The following HACD2 variants were observed in gnomAD, a reference collection of about 807,000 sequenced individuals.
The protein encoded by HACD2 is very-long-chain (3R)-3-hydroxyacyl-CoA dehydratase 2.
A neutral mutation model predicts 31.0 loss-of-function variants in HACD2; 15 were observed. The ratio of observed to expected loss-of-function variants is 0.48; its 90% confidence interval spans 0.32 to 0.75. HACD2 has a LOEUF of 0.75. Among genes scored for constraint, HACD2 ranks in the 30% least tolerant of loss-of-function variants. HACD2 has a pLI of 0.03. For synonymous variants in HACD2, 115 were observed against 122.2 expected, an observed-to-expected ratio of 0.94 and a Z score of 0.39; for missense variants, 283 against 313.0, an observed-to-expected ratio of 0.90 and a Z score of 0.72.
At chr3:123,516,296 T>C (rs1336958842) in intron 4 of HACD2, among the ~76,000 whole-genome samples, 26 of 150,102 alleles carry the variant, frequency 1.7e-4, no homozygotes, top group Non-Finnish European at 1.8e-4. Context: ...TGCAGTGGCA[T>C]GATCTTCTGC....
intron 3 of HACD2, among the ~76,000 whole-genome samples, chr3:123,567,427 G>A (rs1232714816): frequency 6.6e-6 from 1 of 152,054 alleles, no homozygotes; most frequent in Non-Finnish European, 1.5e-5. Context: ...TCACAGAGAG[G>A]GCTTTTCAAC....
chr3:123,522,741 A>T (rs148962900), intron 4 of HACD2, among the ~76,000 whole-genome samples: 169 of 152,284 alleles, frequency 1.1e-3, no homozygotes, highest in African/African-American at 3.8e-3. Context: ...AATATTTAAA[A>T]TAGAAAGTAA....
Position 123,542,146 on chromosome 3 carries a change from C to CAAAAA in HACD2, c.293-13677_293-13673dup, listed in dbSNP as rs11391480. ...TGGGCGACAGAGCGAGACTCCGTCT[C>CAAAAA]AAAAAAAAAAAAAAAAAAAAAAAAA... On this transcript the variant is annotated intron_variant, in intron 3 of 6. Coordinates refer to ENST00000383657, the MANE Select transcript of HACD2 (RefSeq NM_198402.5). Among the ~76,000 whole-genome samples the CAAAAA allele has an allele frequency of 1.8e-3, 76 of 41,094 alleles. 13 individuals are homozygous for CAAAAA. Among genetic ancestry groups the CAAAAA allele is most frequent in the African/African-American group, 8.8e-3 (51 of 5,818 alleles). 27.0% of individuals were successfully genotyped at this position (41,094 alleles called of 152,430 possible). A position where few individuals can be genotyped will look rare whatever the true frequency, so the allele number is the denominator to read the frequency against.
chr3:123,582,809 T>G (rs2056979497), intron 1 of HACD2, among the ~76,000 whole-genome samples: 2 of 152,110 alleles, frequency 1.3e-5, no homozygotes, highest in African/African-American at 4.8e-5. Flanking sequence ...CCTTAAAATC[T>G]ATCCTTTTAA....
chr3:123,533,603 A>G (rs573299978), intron 3 of HACD2, among the ~76,000 whole-genome samples: 1 of 152,344 alleles, frequency 6.6e-6, no homozygotes, highest in Non-Finnish European at 1.5e-5. Flanking sequence ...CAGATGACAG[A>G]GACATTCTGG....
At chr3:123,556,533 G>A (rs566735231) in intron 3 of HACD2, among the ~76,000 whole-genome samples, 2 of 152,102 alleles carry the variant, frequency 1.3e-5, no homozygotes, top group South Asian at 2.1e-4. Flanking sequence ...ATCAAATCAG[G>A]GTAATCGAGA....
intron 2 of HACD2, among the ~76,000 whole-genome samples, chr3:123,573,335 A>T (rs1459656847): frequency 6.6e-6 from 1 of 152,112 alleles, no homozygotes; most frequent in African/African-American, 2.4e-5. Context: ...ACTGGGGGAA[A>T]ACACCTTTCC....
intron 3 of HACD2, among the ~76,000 whole-genome samples, chr3:123,556,004 T>A (rs1045519116): frequency 6.6e-6 from 1 of 151,942 alleles, no homozygotes; most frequent in African/African-American, 2.4e-5. Flanking sequence ...TGTAAAAAAA[T>A]AAATAAATAA....
intron 3 of HACD2, among the ~76,000 whole-genome samples, chr3:123,560,517 A>G (rs1434177325): frequency 2.0e-5 from 3 of 152,112 alleles, no homozygotes; most frequent in African/African-American, 7.2e-5. Flanking sequence ...GCTAGGTTAC[A>G]TCCCTTTCTC....
At chr3:123,554,524 T>C (rs2056654323) in intron 3 of HACD2, among the ~76,000 whole-genome samples, 1 of 151,592 alleles carries the variant, frequency 6.6e-6, no homozygotes, top group South Asian at 2.1e-4. Context: ...GAAAAAAAAT[T>C]AAAGAAAATA....
intron 4 of HACD2, among the ~76,000 whole-genome samples, chr3:123,513,970 T>C (rs745358767): frequency 2.2e-4 from 33 of 152,148 alleles, no homozygotes; most frequent in African/African-American, 5.3e-4. Flanking sequence ...AAATAAATGA[T>C]AATGCATATA....
At chr3:123,577,515 G>A (rs994268271) in intron 2 of HACD2, among the ~76,000 whole-genome samples, 5 of 151,858 alleles carry the variant, frequency 3.3e-5, no homozygotes, top group Non-Finnish European at 2.9e-5. Flanking sequence ...CAGCTACTCG[G>A]GAAGCTGAGG....
At chr3:123,560,403 G>A (rs1400501001) in intron 3 of HACD2, among the ~76,000 whole-genome samples, 1 of 152,086 alleles carries the variant, frequency 6.6e-6, no homozygotes, top group African/African-American at 2.4e-5. Context: ...AGGAGGGGAA[G>A]GTTGGATTTG....
At chr3:123,532,268 C>T (rs1331161568) in intron 3 of HACD2, among the ~76,000 whole-genome samples, 2 of 152,130 alleles carry the variant, frequency 1.3e-5, no homozygotes, top group South Asian at 4.1e-4. Flanking sequence ...CTTAATTTTC[C>T]CCAAATCATG....
chr3:123,527,954 T>C (rs2056305384), intron 4 of HACD2, among the ~76,000 whole-genome samples: 1 of 152,160 alleles, frequency 6.6e-6, no homozygotes, highest in Non-Finnish European at 1.5e-5. Flanking sequence ...GGAACTACTG[T>C]ATAGGTTTAA....
At chr3:123,542,429 C>T (rs2056504857) in intron 3 of HACD2, among the ~76,000 whole-genome samples, 1 of 152,158 alleles carries the variant, frequency 6.6e-6, no homozygotes, top group South Asian at 2.1e-4. Flanking sequence ...ACCATACTCA[C>T]ATTTTACAAA....
chr3:123,511,561 G>A (rs755927984), intron 4 of HACD2, among the ~76,000 whole-genome samples: 28 of 152,282 alleles, frequency 1.8e-4, no homozygotes, highest in Middle Eastern at 6.8e-3. Context: ...TTGGACTTCA[G>A]GGACTGAGTA....
intron 4 of HACD2, among the ~76,000 whole-genome samples, chr3:123,513,345 G>A (rs546004861): frequency 1.3e-5 from 2 of 152,318 alleles, no homozygotes; most frequent in East Asian, 3.9e-4. Context: ...ACACAGGCAG[G>A]AGTCATTCCC....
rs547285170 is a variant in HACD2 at position 123,522,109 on chromosome 3, G to A, written c.381+6277C>T. Among the ~76,000 whole-genome samples, 48 of 152,118 alleles carry A rather than the reference G, an allele frequency of 3.2e-4. No individual in the cohort carries two copies. In the South Asian group the frequency reaches 9.4e-3, roughly 30 times the overall value. ...TTGTGTGAGGCCAGGAATTGGAAAC[G>A]AGCCTGGGCAATGGTTCGAGACCGT... On this transcript the variant is annotated intron_variant, in intron 4 of 6. Coordinates refer to ENST00000383657, the MANE Select transcript of HACD2 (RefSeq NM_198402.5).
Sources: allele counts gnomAD v4.1 joint callset (sites outside exome capture counted in the v4.1 genomes callset), GRCh38; gene constraint gnomAD v4.1.1; transcripts MANE v1.5; gene names NCBI Gene and HGNC (gene_info 2026-07-23, HGNC 2026-07-21).